The following WDR27 variants were observed in gnomAD, a reference collection of about 807,000 sequenced individuals.
WDR27 encodes the protein WD repeat domain 27.
A neutral mutation model predicts 114.4 loss-of-function variants in WDR27; 100 were observed. The observed-to-expected ratio is 0.87, with a 90% CI of 0.74 to 1.03. The LOEUF (loss-of-function observed/expected upper bound fraction) is 1.03. WDR27 is among the 50% of genes least tolerant of loss of function. WDR27 has a pLI of 0.00. For synonymous variants in WDR27, 449 were observed against 423.1 expected, an observed-to-expected ratio of 1.06 and a Z score of -0.75; for missense variants, 1,129 against 1,092.9, an observed-to-expected ratio of 1.03 and a Z score of -0.47.
intron 12 of WDR27, 149 bp downstream of exon 12, chr6:169,658,937 T>G: frequency 9.5e-7 from 1 of 1,055,998 alleles, no homozygotes; most frequent in Non-Finnish European, 1.3e-6. Context: ...TCCACCCGCC[T>G]CGGCCTCCCA....
downstream of WDR27, among the ~76,000 whole-genome samples, chr6:169,452,978 C>T (rs983536451): frequency 6.6e-6 from 1 of 152,216 alleles, no homozygotes; most frequent in Non-Finnish European, 1.5e-5. Flanking sequence ...TCCCCGGCCT[C>T]CCTCCCCAGC....
chr6:169,609,313 C>A (rs1256116549), intron 22 of WDR27, among the ~76,000 whole-genome samples: 1 of 152,190 alleles, frequency 6.6e-6, no homozygotes, highest in African/African-American at 2.4e-5. Context: ...CACAATTCCC[C>A]TTTGCACTGC....
At chr6:169,510,771 T>TA (rs1477379633) in intron 25 of WDR27, among the ~76,000 whole-genome samples, 2 of 152,010 alleles carry the variant, frequency 1.3e-5, no homozygotes, top group Non-Finnish European at 2.9e-5. Context: ...TCCTAAAACT[T>TA]AAAGTATAAT....
intron 23 of WDR27, among the ~76,000 whole-genome samples, chr6:169,591,393 CCATT>C (rs1419849015): frequency 6.6e-6 from 1 of 152,180 alleles, no homozygotes; most frequent in Non-Finnish European, 1.5e-5. Flanking sequence ...TCTAATTCTG[CCATT>C]CATCCATTCT....
At chr6:169,571,282 A>G (rs933481113) in intron 25 of WDR27, among the ~76,000 whole-genome samples, 1 of 152,168 alleles carries the variant, frequency 6.6e-6, no homozygotes, top group African/African-American at 2.4e-5. Flanking sequence ...AAATAAAAAG[A>G]TGACTCAATG....
intron 25 of WDR27, among the ~76,000 whole-genome samples, chr6:169,465,009 C>T (rs773765302): frequency 4.0e-5 from 6 of 151,640 alleles, no homozygotes; most frequent in African/African-American, 1.2e-4. Flanking sequence ...GTAATCCCAG[C>T]ACACTTTGGG....
chr6:169,432,475 T>C, the WDR27 span, among the ~76,000 whole-genome samples: 1 of 152,172 alleles, frequency 6.6e-6, no homozygotes, highest in Non-Finnish European at 1.5e-5. Context: ...TGGGAGGTAA[T>C]TAAATCATGG....
intron 16 of WDR27, among the ~76,000 whole-genome samples, chr6:169,645,023 T>TAAAAAAAAAAATAAAAAAAAA (rs1820200961): frequency 4.3e-5 from 2 of 46,982 alleles, no homozygotes; most frequent in Non-Finnish European, 7.8e-5. Flanking sequence ...AAAAAAAAAA[T>TAAAAAAAAAAATAAAAAAAAA]AAAAAAAAAA....
chr6:169,696,331 C>T (rs891665538), intron 1 of WDR27, among the ~76,000 whole-genome samples: 9 of 152,082 alleles, frequency 5.9e-5, no homozygotes, highest in South Asian at 2.1e-4. Context: ...GTGAAGCTTA[C>T]GAGGAAGAAG....
At chr6:169,574,417 G>A (rs999126007) in intron 24 of WDR27, among the ~76,000 whole-genome samples, 11 of 149,236 alleles carry the variant, frequency 7.4e-5, no homozygotes, top group Non-Finnish European at 1.3e-4. Context: ...GGGGATAATC[G>A]TTCTCACAAT....
intron 25 of WDR27, among the ~76,000 whole-genome samples, chr6:169,504,513 G>A (rs1791756073): frequency 6.6e-6 from 1 of 151,474 alleles, no homozygotes; most frequent in Admixed American, 6.6e-5. Context: ...CAGCCATGTG[G>A]AACTGTGAGT....
At chr6:169,627,984 A>T (rs918706104) in intron 21 of WDR27, among the ~76,000 whole-genome samples, 56 of 151,754 alleles carry the variant, frequency 3.7e-4, no homozygotes, top group African/African-American at 1.3e-3. Context: ...CCACACACAG[A>T]CTCTGGCAAG....
At position 169,659,508 on chromosome 6, in the gene WDR27, G is replaced by A; in HGVS notation, c.1140C>T (p.Ser380=). ...ACGATCCGGCCAGCAGGATGCTGAG[G>A]CTCTGGAAATCTTCAGTTGAGCGAA... The part of the protein sequence containing the change: ...EAALYYKDFQ[S]LSILLAGSCA... Residue 380 remains serine, a synonymous_variant, in exon 11 of 26, where the codon AGC becomes AGT. Transcript: ENST00000448612. The surrounding 1 kb of genome is among the most constrained non-coding windows in gnomAD (Gnocchi z 4.3). 1 of 1,609,428 alleles carries A rather than the reference G, an allele frequency of 6.2e-7. No homozygotes were observed. Among genetic ancestry groups the A allele is most frequent in the Non-Finnish European group, 8.5e-7 (1 of 1,178,008 alleles).
At chr6:169,487,824 G>C (rs1432848987) in intron 25 of WDR27, among the ~76,000 whole-genome samples, 1 of 152,196 alleles carries the variant, frequency 6.6e-6, no homozygotes, top group Non-Finnish European at 1.5e-5. Context: ...CTCTACTTCA[G>C]TCATGGTTAA....
intron 14 of WDR27, among the ~76,000 whole-genome samples, chr6:169,649,761 A>T (rs1262841500): frequency 1.4e-5 from 2 of 146,474 alleles, no homozygotes; most frequent in Non-Finnish European, 1.5e-5. Flanking sequence ...CCATTCCTCC[A>T]TCCCCTCCAT....
At chr6:169,666,212 C>T (rs905138910) in intron 6 of WDR27, among the ~76,000 whole-genome samples, 1 of 152,130 alleles carries the variant, frequency 6.6e-6, no homozygotes, top group African/African-American at 2.4e-5. Context: ...TAATTAATTT[C>T]AGAAAAAAGA....
At chr6:169,454,174 G>C (rs936422207), downstream of WDR27, among the ~76,000 whole-genome samples, 1 of 152,214 alleles carries the variant, frequency 6.6e-6, no homozygotes, top group African/African-American at 2.4e-5. Context: ...GAGGAGGCAG[G>C]ATTTTATATT....
chr6:169,637,452 T>C (rs1392963806), intron 18 of WDR27, among the ~76,000 whole-genome samples: 1 of 152,278 alleles, frequency 6.6e-6, no homozygotes, highest in African/African-American at 2.4e-5. Flanking sequence ...CGCATGTGTA[T>C]GCATCTATCT....
chr6:169,591,638 T>C (rs1805761980), intron 23 of WDR27, among the ~76,000 whole-genome samples: 1 of 152,170 alleles, frequency 6.6e-6, no homozygotes, highest in South Asian at 2.1e-4. Flanking sequence ...TCAAAAATGA[T>C]GAGGGTTTAG....
Sources: allele counts gnomAD v4.1 joint callset (sites outside exome capture counted in the v4.1 genomes callset), GRCh38; gene constraint gnomAD v4.1.1; non-coding constraint Gnocchi (gnomAD v3.1); transcripts MANE v1.5; gene names NCBI Gene and HGNC (gene_info 2026-07-23, HGNC 2026-07-21).